The following MTO1 variants were observed in gnomAD, a reference collection of about 807,000 sequenced individuals.
MTO1 encodes 5-taurinomethyluridine-[tRNA] synthase subunit MTO1, mitochondrial.
MTO1 carries 46 observed loss-of-function variants against 71.6 expected under a neutral mutation model. That is an observed-to-expected ratio of 0.64 (90% confidence interval 0.51 to 0.82). The LOEUF (loss-of-function observed/expected upper bound fraction) is 0.82. MTO1 is among the 40% of genes least tolerant of loss of function. The pLI is 0.00. For missense variants in MTO1, 773 were observed against 867.5 expected (o/e 0.89, Z 1.37); for synonymous variants, 297 against 312.1 (o/e 0.95, Z 0.51).
Position 73,497,764 on chromosome 6 carries a change from A to G in MTO1, c.1785A>G (p.Gln595=), listed in dbSNP as rs147990749. 8.1e-3 allele frequency: 13,078 copies of G among 1,613,972 alleles called. 75 individuals carry two copies. Among genetic ancestry groups the G allele is most frequent in the Non-Finnish European group, 0.01 (12,008 of 1,179,886 alleles). The change falls in exon 11 of 12, where the codon CAA becomes CAG. Residue 595 remains glutamine, a synonymous_variant. Transcript: ENST00000498286. ...EATYESVLFH[Q]LQEIKGVQQD... is the part of the protein sequence containing the mutation. ...CTTATGAATCAGTGTTGTTCCATCA[A>G]CTACAAGAAATAAAGGGAGTTCAGC...
rs183615237 is a variant in MTO1 at position 73,493,952 on chromosome 6, G to A, written c.1756+1600G>A. Among the ~76,000 whole-genome samples, 753 of 152,034 alleles carry A rather than the reference G, an allele frequency of 5.0e-3. 3 individuals carry two copies. The highest frequency in any genetic ancestry group is 9.2e-3 in the Non-Finnish European group (626 of 67,986). On this transcript the variant is annotated intron_variant, in intron 10 of 11. Transcript: ENST00000498286. Reference sequence around the variant, plus strand: ...AAATTTTTATTATGAAAATACTGAAGCTGGGCGTAGTGGCTCACGCCTGTA... The same window carrying A: ...AAATTTTTATTATGAAAATACTGAAACTGGGCGTAGTGGCTCACGCCTGTA...
At chr6:73,477,310 C>T (rs534456869) in intron 4 of MTO1, among the ~76,000 whole-genome samples, 3 of 143,174 alleles carry the variant, frequency 2.1e-5, no homozygotes, top group South Asian at 4.6e-4. Flanking sequence ...GCATGAGAAT[C>T]GCTTGAACCA....
At chr6:73,464,174 T>G (rs1220567422) in intron 1 of MTO1, 1 of 152,290 alleles carries the variant, frequency 6.6e-6, no homozygotes, top group East Asian at 1.9e-4. Flanking sequence ...TGTTCCATAT[T>G]TTTAAAAAAT....
At position 73,482,477 on chromosome 6, in the gene MTO1, A is replaced by T; in HGVS notation, c.1494A>T (p.Gln498His). Residue 498 changes from glutamine to histidine, a missense_variant, in exon 9 of 12, where the codon CAA becomes CAT. Transcript: ENST00000498286. Reference protein sequence around the residue: ...RGYKDAGCVSQQRYERACWMK... With the variant: ...RGYKDAGCVSHQRYERACWMK... ...ATAAAGACGCTGGCTGTGTGTCCCA[A>T]CAACGATATGAAAGAGCTTGTTGGA... 1 of 1,613,392 alleles carries T rather than the reference A, an allele frequency of 6.2e-7. No individual in the cohort carries two copies. The highest frequency in any genetic ancestry group is 8.5e-7 in the Non-Finnish European group (1 of 1,179,842).
rs1210012600 is a variant in MTO1 at position 73,507,110 on chromosome 6, C to G, written c.*6375C>G. On this transcript the variant is annotated 3_prime_UTR_variant, in exon 12 of 12. Transcript: ENST00000498286. ...CAGTTATAACTGGCAGCATTTGTGA[C>G]TGAAAAACATCTTAGATGCAATGAA... The G allele has an allele frequency of 1.3e-5, 2 of 151,916 alleles. No individual in the cohort carries two copies. The highest frequency in any genetic ancestry group is 2.9e-5 in the Non-Finnish European group (2 of 68,004). 9.4% of individuals were successfully genotyped at this position (151,916 alleles called of 1,614,324 possible). A position where few individuals can be genotyped will look rare whatever the true frequency, so the allele number is the denominator to read the frequency against.
intron 7 of MTO1, 53 bp from the exon 8 acceptor site, chr6:73,481,987 T>C: frequency 1.3e-6 from 2 of 1,589,428 alleles, no homozygotes; most frequent in Non-Finnish European, 8.6e-7. Context: ...CTGAATGGGA[T>C]AGCCGTTTGT....
At position 73,479,451 on chromosome 6, in the gene MTO1, C is replaced by T. The variant is rs141489449; in HGVS notation, c.826-281C>T. Among the ~76,000 whole-genome samples, 85 of 152,136 alleles carry T rather than the reference C, an allele frequency of 5.6e-4. 2 individuals are homozygous for T. In the East Asian group the frequency reaches 0.013, roughly 24 times the overall value. On this transcript the variant is annotated intron_variant, in intron 4 of 11. Coordinates refer to ENST00000498286, the MANE Select transcript of MTO1 (RefSeq NM_012123.4). ...CAGAGGTTGGAGTGAGCTGAGATCA[C>T]GCTACTGCCCTCCAGCCTGGGCAAC...
At position 73,508,227 on chromosome 6, in the gene MTO1, C is replaced by A. The variant is rs1464511343; in HGVS notation, c.*7492C>A. On this transcript the variant is annotated 3_prime_UTR_variant, in exon 12 of 12. Transcript: ENST00000498286. ...GCACCCTCTGCAGACTTAAAATATT[C>A]CTCCTATATCTGAAGACAATAATAA... 6.6e-6 allele frequency: 1 copy of A among 152,116 alleles called. No individual in the cohort carries two copies. The highest frequency in any genetic ancestry group is 1.5e-5 in the Non-Finnish European group (1 of 68,020). The allele number at this position is 152,116 out of a possible 1,614,324, so 9.4% of individuals were successfully genotyped here. A position where few individuals can be genotyped will look rare whatever the true frequency, so the allele number is the denominator to read the frequency against.
rs781641433 is a variant in MTO1 at position 73,492,272 on chromosome 6, A to G, written c.1676A>G (p.Asp559Gly). ...DVLKYEEVDM[D>G]SLAKAVPEPL... ...CTGAAGTATGAGGAAGTTGACATGG[A>G]TTCATTAGCCAAGGCTGTTCCAGAG... Residue 559 changes from aspartate to glycine, a missense_variant, in exon 10 of 12, where the codon GAT becomes GGT. By Grantham distance (94) the Asp-to-Gly change is moderately conservative. Transcript: ENST00000498286. 3.1e-6 allele frequency: 5 copies of G among 1,613,830 alleles called. No individual in the cohort carries two copies. Among genetic ancestry groups the G allele is most frequent in the Non-Finnish European group, 4.2e-6 (5 of 1,179,858 alleles).
intron 3 of MTO1, among the ~76,000 whole-genome samples, chr6:73,470,065 G>C (rs12529857): frequency 6.6e-6 from 1 of 152,124 alleles, no homozygotes; most frequent in South Asian, 2.1e-4. Context: ...ATCAATGTCT[G>C]TTAGTTCTCA....
intron 9 of MTO1, among the ~76,000 whole-genome samples, chr6:73,489,277 T>TC (rs1316313576): frequency 1.2e-5 from 1 of 84,442 alleles, no homozygotes; most frequent in Non-Finnish European, 2.7e-5. Context: ...TTTCTTTTTT[T>TC]CTTTTTTTTT....
At chr6:73,487,428 G>A (rs145254123) in intron 9 of MTO1, among the ~76,000 whole-genome samples, 15 of 151,696 alleles carry the variant, frequency 9.9e-5, no homozygotes, top group African/African-American at 3.6e-4. Flanking sequence ...CTGACCACCT[G>A]CCTCGGCCTC....
intron 4 of MTO1, among the ~76,000 whole-genome samples, chr6:73,477,340 G>A (rs1450531800): frequency 7.1e-6 from 1 of 140,420 alleles, no homozygotes; most frequent in African/African-American, 2.6e-5. Flanking sequence ...AGGTTGCAGT[G>A]AGCTGAGATT....
rs1772297051 is a variant in MTO1 at position 73,506,710 on chromosome 6, TG to T, written c.*5977del. ...TTTTTTTTTTTTTTTTTTTTTGAGA[TG>T]GAGTTTCGCTCTTGTTGCCCAGGCT... On this transcript the variant is annotated 3_prime_UTR_variant, in exon 12 of 12. Transcript: ENST00000498286. 8.3e-6 allele frequency: 1 copy of T among 120,756 alleles called. No homozygotes were observed. Among genetic ancestry groups the T allele is most frequent in the East Asian group, 2.4e-4 (1 of 4,176 alleles). 7.5% of individuals were successfully genotyped at this position (120,756 alleles called of 1,614,324 possible).
chr6:73,492,117 AAG>A, intron 9 of MTO1, 115 bp from the exon 10 acceptor site: 4 of 676,886 alleles, frequency 5.9e-6, no homozygotes, highest in Admixed American at 2.6e-5. Flanking sequence ...AAAAAAAAAA[AAG>A]AAATAATCTT....
chr6:73,475,762 T>G (rs1310939194), intron 4 of MTO1, among the ~76,000 whole-genome samples: 1 of 151,976 alleles, frequency 6.6e-6, no homozygotes, highest in East Asian at 1.9e-4. Context: ...TCCGCCCGCC[T>G]CGGCCTCCCA....
In MTO1 at chr6:73,482,229, C is replaced by T. The variant is rs748152539; in HGVS notation, c.1450C>T (p.Arg484Trp). 92 of 1,613,892 alleles carry T rather than the reference C, an allele frequency of 5.7e-5. No homozygotes were observed. Among genetic ancestry groups the T allele is most frequent in the Non-Finnish European group, 7.2e-5 (85 of 1,180,016 alleles). The change falls in exon 8 of 12, where the codon CGG (arginine) becomes TGG (tryptophan). Residue 484 changes from arginine to tryptophan, a missense_variant. Coordinates refer to ENST00000498286, the MANE Select transcript of MTO1 (RefSeq NM_012123.4). ...ACTGCGCCCTGATAATGCTGACAGC[C>T]GGCTCACACTGCGAGGTAACTCTTT... ...LSLRPDNADS[R>W]LTLRGYKDAG...
At chr6:73,480,911 C>A in intron 7 of MTO1, 106 bp downstream of exon 7, 1 of 1,146,012 alleles carries the variant, frequency 8.7e-7, no homozygotes, top group Non-Finnish European at 1.2e-6. Context: ...ACAATTCATA[C>A]TAATAGAAGA....
intron 10 of MTO1, among the ~76,000 whole-genome samples, chr6:73,494,788 T>C (rs1359867310): frequency 6.7e-6 from 1 of 149,880 alleles, no homozygotes; most frequent in African/African-American, 2.5e-5. Context: ...TTTTTTTTTT[T>C]TGAGACAGAG....
Sources: gnomAD v4.1 joint callset for allele counts (sites outside exome capture counted in the v4.1 genomes callset) on GRCh38, gnomAD v4.1.1 for gene constraint, MANE v1.5 for transcripts, NCBI Gene and HGNC (gene_info 2026-07-23, HGNC 2026-07-21) for gene names.